Variants in CENPO observed in about 807,000 individuals in gnomAD.
The protein encoded by CENPO is centromeric protein O.
A neutral mutation model predicts 36.1 loss-of-function variants in CENPO; 30 were observed. The ratio of observed to expected loss-of-function variants is 0.83; its 90% confidence interval spans 0.62 to 1.13. The LOEUF is 1.13. Ranked by LOEUF, CENPO falls within the 50% of genes most tolerant of loss-of-function variation. The pLI is 0.00. For synonymous variants in CENPO, 171 were observed against 142.3 expected (o/e 1.20, Z -1.44); for missense variants, 349 against 357.8 (o/e 0.98, Z 0.20).
intron 3 of CENPO, among the ~76,000 whole-genome samples, chr2:24,804,243 C>T (rs1186220311): frequency 6.6e-6 from 1 of 152,088 alleles, no homozygotes; most frequent in East Asian, 1.9e-4. Context: ...TGAGATGGGT[C>T]TCCTGAATAC....
chr2:24,816,866 A>G, intron 6 of CENPO, 49 bp downstream of exon 6: 1 of 1,521,024 alleles, frequency 6.6e-7, no homozygotes, highest in Non-Finnish European at 8.8e-7. Flanking sequence ...AGTTTATTTG[A>G]GTGAAACAGG....
Position 24,821,052 on chromosome 2 carries a change from C to G in CENPO, c.*1734C>G, listed in dbSNP as rs372000083. ...CTTGTTAGGTGTCAGCCGCCACCCC[C>G]CCCCCATATGCAGATTTACTCGGCA... On this transcript the variant is annotated 3_prime_UTR_variant, in exon 8 of 8. Coordinates refer to ENST00000380834, the MANE Select transcript of CENPO (RefSeq NM_001322101.2). The G allele has an allele frequency of 3.2e-5, 21 of 658,458 alleles. No individual in the cohort carries two copies. Among genetic ancestry groups the G allele is most frequent in the Admixed American group, 9.6e-5 (3 of 31,190 alleles). 40.8% of individuals were successfully genotyped at this position (658,458 alleles called of 1,614,324 possible). A position where few individuals can be genotyped will look rare whatever the true frequency, so the allele number is the denominator to read the frequency against.
At chr2:24,803,165 G>A (rs1292211327) in intron 3 of CENPO, among the ~76,000 whole-genome samples, 1 of 150,512 alleles carries the variant, frequency 6.6e-6, no homozygotes, top group Non-Finnish European at 1.5e-5. Flanking sequence ...CTGTGGGATC[G>A]GTGGTGATAT....
intron 3 of CENPO, among the ~76,000 whole-genome samples, chr2:24,812,489 G>A (rs990616098): frequency 6.6e-6 from 1 of 151,668 alleles, no homozygotes; most frequent in Non-Finnish European, 1.5e-5. Flanking sequence ...TCTTTAAATA[G>A]TGCATCTTCT....
intron 2 of CENPO, among the ~76,000 whole-genome samples, chr2:24,795,791 G>A (rs2148246785): frequency 6.6e-6 from 1 of 152,286 alleles, no homozygotes; most frequent in Non-Finnish European, 1.5e-5. Flanking sequence ...AGCTCCGTGA[G>A]GACAGGGACT....
rs190673751 is a variant in CENPO, at chr2:24,808,315, T to C, written c.217-6061T>C. 4.9e-3 allele frequency among the ~76,000 whole-genome samples: 749 copies of C among 152,260 alleles called. 6 individuals are homozygous for C. Among genetic ancestry groups the C allele is most frequent in the Non-Finnish European group, 8.2e-3 (555 of 68,004 alleles). On this transcript the variant is annotated intron_variant, in intron 3 of 7. Transcript: ENST00000380834. ...CCTCCACCTCCTGGGTTCAAGAGAT[T>C]CTTCTGCCTCAGCCTCCCGAGTAGC...
chr2:24,803,632 A>G (rs1420435022), intron 3 of CENPO, among the ~76,000 whole-genome samples: 8 of 151,926 alleles, frequency 5.3e-5, no homozygotes. Flanking sequence ...CATGTAGTTG[A>G]GTGGTTTTGA....
chr2:24,815,732 G>A lies in CENPO; in HGVS notation c.570G>A (p.Arg190=). The part of the protein sequence containing the change: ...LCEYLNAYSG[R]KYQADRLQSD... Reference sequence around the variant, plus strand: ...AGTACCTGAATGCTTACTCTGGGAGGAAGTACCAGGCAGACCGGCTTCAGG... The same window carrying A: ...AGTACCTGAATGCTTACTCTGGGAGAAAGTACCAGGCAGACCGGCTTCAGG... The change falls in exon 5 of 8, where the codon AGG becomes AGA. Residue 190 remains arginine (R), a synonymous_variant. Coordinates refer to ENST00000380834, the MANE Select transcript of CENPO (RefSeq NM_001322101.2). 6.2e-7 allele frequency: 1 copy of A among 1,614,148 alleles called. No homozygotes were observed. The highest frequency in any genetic ancestry group is 1.1e-5 in the South Asian group (1 of 91,086).
intron 3 of CENPO, among the ~76,000 whole-genome samples, chr2:24,805,764 C>T (rs531272641): frequency 7.2e-5 from 11 of 152,302 alleles, no homozygotes; most frequent in East Asian, 1.9e-4. Flanking sequence ...TTAGGCTACT[C>T]GGGGGTCAGG....
chr2:24,794,427 T>A (rs1014510264), intron 2 of CENPO, among the ~76,000 whole-genome samples: 2 of 152,130 alleles, frequency 1.3e-5, no homozygotes, highest in Non-Finnish European at 2.9e-5. Flanking sequence ...AAAATGGAGG[T>A]GAAAATAGCA....
intron 3 of CENPO, among the ~76,000 whole-genome samples, chr2:24,811,005 G>A (rs10173209): frequency 0.44 from 65,475 of 150,298 alleles, 15,817 homozygotes; most frequent in East Asian, 0.6. Flanking sequence ...GTGCAGTGGC[G>A]AGATCTCAGC....
intron 3 of CENPO, among the ~76,000 whole-genome samples, chr2:24,804,806 G>A (rs1423476392): frequency 6.6e-6 from 1 of 152,068 alleles, no homozygotes; most frequent in Non-Finnish European, 1.5e-5. Flanking sequence ...TATGTGTCTT[G>A]GGGTTGCTCT....
chr2:24,820,254 C>A lies in CENPO; in HGVS notation c.*936C>A. The A allele has an allele frequency of 8.4e-7, 1 of 1,196,166 alleles. No homozygotes were observed. The highest frequency in any genetic ancestry group is 1.1e-6 in the Non-Finnish European group (1 of 908,444). The allele number at this position is 1,196,166 out of a possible 1,614,324, so 74.1% of individuals were successfully genotyped here. A position where few individuals can be genotyped will look rare whatever the true frequency, so the allele number is the denominator to read the frequency against. ...GGGACACTCCCCAAACCTCCCAGGG[C>A]CAAGCCCTTCCACCCGTGGCGAGCA... On this transcript the variant is annotated 3_prime_UTR_variant, in exon 8 of 8. Coordinates refer to ENST00000380834, the MANE Select transcript of CENPO (RefSeq NM_001322101.2).
chr2:24,813,134 T>G (rs956393369), intron 3 of CENPO, among the ~76,000 whole-genome samples: 1 of 152,024 alleles, frequency 6.6e-6, no homozygotes, highest in Non-Finnish European at 1.5e-5. Flanking sequence ...TAATCCCAGC[T>G]ACTCGGGAGG....
intron 4 of CENPO, 120 bp from the exon 5 acceptor site, chr2:24,815,377 A>C: frequency 1.3e-6 from 1 of 767,028 alleles, no homozygotes. Context: ...ATACTCATTG[A>C]ACAAACATTT....
chr2:24,794,470 T>C (rs1665790124), intron 2 of CENPO, among the ~76,000 whole-genome samples: 1 of 152,220 alleles, frequency 6.6e-6, no homozygotes, highest in Non-Finnish European at 1.5e-5. Flanking sequence ...AGTATTTCTT[T>C]TGTGGTGGAA....
At chr2:24,793,685 G>T (rs954379808) in intron 1 of CENPO, among the ~76,000 whole-genome samples, 167 bp from the exon 2 acceptor site, 1 of 152,234 alleles carries the variant, frequency 6.6e-6, no homozygotes, top group African/African-American at 2.4e-5. Flanking sequence ...CATGGACTCT[G>T]CTGGCTCGGA....
intron 3 of CENPO, among the ~76,000 whole-genome samples, chr2:24,800,407 T>C (rs1330862198): frequency 6.6e-6 from 1 of 152,198 alleles, no homozygotes; most frequent in African/African-American, 2.4e-5. Context: ...ACATGTGCCA[T>C]GTTGGTGTGC....
In CENPO at chr2:24,817,760, C is replaced by T. The variant is rs961264594; in HGVS notation, c.857C>T (p.Ser286Leu). The T allele has an allele frequency of 6.2e-7, 1 of 1,614,202 alleles. No individual in the cohort carries two copies. Among genetic ancestry groups the T allele is most frequent in the Admixed American group, 1.7e-5 (1 of 60,028 alleles). ...CTKPLHQVFA[S>L]FTRKGEKLDM... is the part of the protein sequence containing the mutation. Reference sequence around the variant, plus strand: ...AAGCCCTTGCATCAAGTGTTTGCCTCATTTACAAGAAAAGGAGAAAAGTTG... The same window carrying T: ...AAGCCCTTGCATCAAGTGTTTGCCTTATTTACAAGAAAAGGAGAAAAGTTG... Residue 286 changes from serine (S) to leucine (L), a missense_variant, in exon 7 of 8, where the codon TCA (serine) becomes TTA (leucine). Coordinates refer to ENST00000380834, the MANE Select transcript of CENPO (RefSeq NM_001322101.2).
Sources: gnomAD v4.1 joint callset for allele counts (sites outside exome capture counted in the v4.1 genomes callset) on GRCh38, gnomAD v4.1.1 for gene constraint, MANE v1.5 for transcripts, NCBI Gene and HGNC (gene_info 2026-07-23, HGNC 2026-07-21) for gene names.